Variants in SASH1 observed in about 807,000 individuals in gnomAD.
The protein encoded by SASH1 is SAM and SH3 domain containing 1.
SASH1 carries 44 observed loss-of-function variants against 125.2 expected under a neutral mutation model. The observed-to-expected ratio is 0.35, with a 90% CI of 0.28 to 0.45. The LOEUF is 0.45. SASH1 is among the 20% of genes least tolerant of loss of function. The probability of loss-of-function intolerance (pLI) is 1.00; values close to 1 mark genes in which losing one functional copy is unlikely to be tolerated. For missense variants in SASH1, 1,426 were observed against 1,614.5 expected (o/e 0.88, Z 2.00); for synonymous variants, 639 against 649.1 (o/e 0.98, Z 0.24).
chr6:148,367,831 G>A (rs1012149232), intron 1 of SASH1, among the ~76,000 whole-genome samples: 4 of 152,234 alleles, frequency 2.6e-5, no homozygotes, highest in Non-Finnish European at 5.9e-5. Flanking sequence ...CCCCTCGGAG[G>A]CCTCGAGTGC....
At chr6:148,208,841 G>A in the SASH1 span, among the ~76,000 whole-genome samples, 1 of 152,124 alleles carries the variant, frequency 6.6e-6, no homozygotes, top group Non-Finnish European at 1.5e-5. Context: ...ACTGAATACG[G>A]TTACTAATAA....
chr6:148,231,342 C>T, the SASH1 span, among the ~76,000 whole-genome samples: 2 of 152,124 alleles, frequency 1.3e-5, no homozygotes, highest in Admixed American at 1.3e-4. Flanking sequence ...TCTATGTCTC[C>T]TCTTATGCCA....
chr6:148,360,092 C>T (rs1782132274), intron 1 of SASH1, among the ~76,000 whole-genome samples: 1 of 152,060 alleles, frequency 6.6e-6, no homozygotes, highest in Non-Finnish European at 1.5e-5. Flanking sequence ...ACCAAAGGAA[C>T]CAGAAATTTG....
intron 10 of SASH1, chr6:148,524,651 G>T (rs1421809177): frequency 6.6e-6 from 1 of 152,216 alleles, no homozygotes; most frequent in Non-Finnish European, 1.5e-5. Context: ...AGAGAAAAGG[G>T]TCACCATGAA....
intron 1 of SASH1, among the ~76,000 whole-genome samples, chr6:148,369,798 AC>A (rs1457662229): frequency 3.3e-5 from 5 of 151,964 alleles, no homozygotes; most frequent in Non-Finnish European, 1.5e-5. Flanking sequence ...TACTAAAAAT[AC>A]AAAAATTAGC....
chr6:148,235,183 G>GT, the SASH1 span, among the ~76,000 whole-genome samples: 3 of 152,164 alleles, frequency 2.0e-5, no homozygotes, highest in East Asian at 3.9e-4. Flanking sequence ...TGCAAAGAAC[G>GT]TAAGTGTTAA....
At chr6:148,246,735 C>A in the SASH1 span, among the ~76,000 whole-genome samples, 2 of 152,146 alleles carry the variant, frequency 1.3e-5, no homozygotes, top group African/African-American at 2.4e-5. Context: ...CTTCAGCCTC[C>A]AAAATATTAT....
At chr6:148,257,522 T>G in the SASH1 span, among the ~76,000 whole-genome samples, 2 of 152,188 alleles carry the variant, frequency 1.3e-5, no homozygotes, top group Non-Finnish European at 2.9e-5. Context: ...TTAGTGAGCA[T>G]GTAATCCTTT....
At chr6:148,536,583 G>C (rs1238508475) in intron 16 of SASH1, among the ~76,000 whole-genome samples, 2 of 152,088 alleles carry the variant, frequency 1.3e-5, no homozygotes, top group Non-Finnish European at 2.9e-5. Context: ...CAGGTGATCC[G>C]CCCACCTCGG....
chr6:148,405,064 A>C lies in SASH1; in HGVS notation c.285+14802A>C, dbSNP rs1372374056. Among the ~76,000 whole-genome samples, 2 of 152,112 alleles carry C rather than the reference A, an allele frequency of 1.3e-5. 1 individual carries two copies. Among genetic ancestry groups the C allele is most frequent in the South Asian group, 4.2e-4 (2 of 4,810 alleles). ...CAGGGCGGCTTGACTGAAAGCTTGC[A>C]GAACTTACTGCTCAAACCGGGGATA... On this transcript the variant is annotated intron_variant, in intron 2 of 19. Coordinates refer to ENST00000367467, the MANE Select transcript of SASH1 (RefSeq NM_015278.5).
chr6:148,547,082 T>C (rs956295796), intron 19 of SASH1, among the ~76,000 whole-genome samples: 1 of 152,144 alleles, frequency 6.6e-6, no homozygotes, highest in Non-Finnish European at 1.5e-5. Context: ...AACCTCAGCA[T>C]ACAATTTTTT....
chr6:148,369,711 TG>T (rs1351074999), intron 1 of SASH1, among the ~76,000 whole-genome samples: 1 of 151,994 alleles, frequency 6.6e-6, no homozygotes, highest in East Asian at 1.9e-4. Flanking sequence ...CCTGGCACTT[TG>T]GGAGGCCAAG....
chr6:148,462,655 C>G (rs1199208497), intron 4 of SASH1, among the ~76,000 whole-genome samples: 2 of 152,152 alleles, frequency 1.3e-5, no homozygotes, highest in African/African-American at 4.8e-5. Context: ...TGAAAACTTT[C>G]TGTTTTTGCA....
At chr6:148,206,913 G>A in the SASH1 span, among the ~76,000 whole-genome samples, 1 of 152,064 alleles carries the variant, frequency 6.6e-6, no homozygotes, top group Non-Finnish European at 1.5e-5. Context: ...GCTGTCCTCA[G>A]CCTTGTCCTC....
rs1778318691 is a variant in SASH1 at position 148,475,910 on chromosome 6, T to C, written c.627+1688T>C. On this transcript the variant is annotated intron_variant, in intron 7 of 19. Transcript: ENST00000367467. ...AATAAAAAATTAACAACAATAAAAATAAAATAGAGCAATTACAACAATATC... is the reference window on the plus strand; with the variant it reads ...AATAAAAAATTAACAACAATAAAAACAAAATAGAGCAATTACAACAATATC... 2.0e-5 allele frequency among the ~76,000 whole-genome samples: 3 copies of C among 152,044 alleles called. No homozygotes were observed. In the South Asian group the frequency reaches 6.2e-4, roughly 32 times the overall value.
chr6:148,333,282 G>A (rs4896991), intron 1 of SASH1, among the ~76,000 whole-genome samples: 11,780 of 152,060 alleles, frequency 0.077, 714 homozygotes, highest in East Asian at 0.32. Flanking sequence ...GCATGGTGGT[G>A]CATGCCTGTA....
At chr6:148,309,667 T>TAAAAAAAAAAAAAAA (rs34084896) in intron 1 of SASH1, among the ~76,000 whole-genome samples, 1 of 138,906 alleles carries the variant, frequency 7.2e-6, no homozygotes, top group Non-Finnish European at 1.6e-5. Context: ...CATGTTGCTT[T>TAAAAAAAAAAAAAAA]AAAAAAAAAA....
At chr6:148,282,594 C>T (rs1477739770) in intron 1 of SASH1, among the ~76,000 whole-genome samples, 1 of 151,952 alleles carries the variant, frequency 6.6e-6, no homozygotes. Context: ...GTTGGCCAGG[C>T]TGGTCTTGAA....
the SASH1 span, among the ~76,000 whole-genome samples, chr6:148,224,405 G>T: frequency 6.6e-6 from 1 of 151,940 alleles, no homozygotes; most frequent in East Asian, 1.9e-4. Flanking sequence ...CTGTTGCCCG[G>T]GCTGGAGTGC....
Sources: gnomAD v4.1 joint callset for allele counts (sites outside exome capture counted in the v4.1 genomes callset) on GRCh38, gnomAD v4.1.1 for gene constraint, MANE v1.5 for transcripts, NCBI Gene and HGNC (gene_info 2026-07-23, HGNC 2026-07-21) for gene names.